Variants in BBS9 observed in about 807,000 individuals in gnomAD.
BBS9 encodes Bardet-Biedl syndrome 9.
BBS9 carries 89 observed loss-of-function variants against 117.7 expected under a neutral mutation model. The ratio of observed to expected loss-of-function variants is 0.76; its 90% confidence interval spans 0.64 to 0.90. The LOEUF is 0.90. Among genes scored for constraint, BBS9 ranks in the 40% least tolerant of loss-of-function variants. The probability of loss-of-function intolerance (pLI) is 0.00; values close to 1 mark genes in which losing one functional copy is unlikely to be tolerated. For synonymous variants in BBS9, 379 were observed against 370.9 expected (o/e 1.02, Z -0.25); for missense variants, 982 against 1,042.2 (o/e 0.94, Z 0.80).
At chr7:33,320,144 T>A (rs1043177904) in intron 9 of BBS9, among the ~76,000 whole-genome samples, 1 of 152,146 alleles carries the variant, frequency 6.6e-6, no homozygotes, top group South Asian at 2.1e-4. Context: ...ATACAAAAAA[T>A]TATTGTTGAC....
Position 33,605,352 on chromosome 7 carries a change from A to C in BBS9, c.*126A>C. The C allele has an allele frequency of 2.0e-6, 2 of 992,794 alleles. No homozygotes were observed. The highest frequency in any genetic ancestry group is 3.2e-6 in the Non-Finnish European group (2 of 618,366). 61.5% of individuals were successfully genotyped at this position (992,794 alleles called of 1,614,324 possible). On this transcript the variant is annotated 3_prime_UTR_variant, in exon 23 of 23. Coordinates refer to ENST00000242067, the MANE Select transcript of BBS9 (RefSeq NM_198428.3). Reference sequence around the variant, plus strand: ...CCTAAAGCTCACCTTCCTGGAGATGACATGCATAGAAAGAGGGGTTGGGAC... The same window carrying C: ...CCTAAAGCTCACCTTCCTGGAGATGCCATGCATAGAAAGAGGGGTTGGGAC...
intron 19 of BBS9, among the ~76,000 whole-genome samples, chr7:33,414,333 G>A (rs1265721815): frequency 2.0e-5 from 3 of 152,048 alleles, no homozygotes; most frequent in Admixed American, 2.0e-4. Context: ...TTTTTACAAA[G>A]GCCCCTTTCA....
chr7:33,378,548 C>T (rs886087414), intron 17 of BBS9, among the ~76,000 whole-genome samples: 5 of 152,136 alleles, frequency 3.3e-5, no homozygotes, highest in South Asian at 2.1e-4. Flanking sequence ...AGCTCATAGG[C>T]CCCTGTTGAG....
intron 9 of BBS9, chr7:33,314,250 T>G (rs1472631153): frequency 1.7e-5 from 7 of 422,810 alleles, no homozygotes; most frequent in South Asian, 1.2e-4. Flanking sequence ...TTTTTTTTTT[T>G]TTCTTACAGA....
Position 33,228,673 on chromosome 7 carries a change from A to T in BBS9, c.443-28563A>T, listed in dbSNP as rs1245009459. 3.3e-5 allele frequency among the ~76,000 whole-genome samples: 5 copies of T among 152,210 alleles called. No homozygotes were observed. In the East Asian group the frequency reaches 9.6e-4, roughly 29 times the overall value. On this transcript the variant is annotated intron_variant, in intron 5 of 22. Coordinates refer to ENST00000242067, the MANE Select transcript of BBS9 (RefSeq NM_198428.3). ...GTGTTTTATATGGTATTCTTACAGT[A>T]AAGTCAGCTATAGTAAAAAAGTTAT... is the stretch of plus-strand genomic sequence containing the variant.
At chr7:33,407,268 T>G (rs1323822135) in intron 19 of BBS9, among the ~76,000 whole-genome samples, 1 of 152,244 alleles carries the variant, frequency 6.6e-6, no homozygotes. Context: ...TTCTCAAGCC[T>G]TGGCTTTCAG....
intron 5 of BBS9, among the ~76,000 whole-genome samples, chr7:33,229,240 A>G (rs1035374991): frequency 6.6e-6 from 1 of 152,102 alleles, no homozygotes; most frequent in South Asian, 2.1e-4. Context: ...CCCAAATACA[A>G]TATAATTTTA....
intron 21 of BBS9, among the ~76,000 whole-genome samples, chr7:33,547,685 G>C (rs1237000280): frequency 3.3e-5 from 5 of 152,192 alleles, no homozygotes; most frequent in African/African-American, 1.2e-4. Flanking sequence ...ATTGTGGAAA[G>C]GACAAGGCCA....
rs56775417 is a variant in BBS9 at position 33,590,465 on chromosome 7, T to G, written c.2522-14400T>G. Among the ~76,000 whole-genome samples the G allele has an allele frequency of 1.7e-4, 24 of 138,012 alleles. No homozygotes were observed. In the East Asian group the frequency reaches 3.0e-3, roughly 17 times the overall value. 90.5% of individuals were successfully genotyped at this position (138,012 alleles called of 152,430 possible). ...TTTGTTTTTTTGTTTTTTTGTTTTT[T>G]TTTTTTTTTTTTACCAGATCAGACA... On this transcript the variant is annotated intron_variant, in intron 21 of 22. Transcript: ENST00000242067.
intron 5 of BBS9, among the ~76,000 whole-genome samples, chr7:33,184,892 AT>A (rs1257225343): frequency 6.6e-6 from 1 of 152,162 alleles, no homozygotes; most frequent in African/African-American, 2.4e-5. Flanking sequence ...CTGATTGGCT[AT>A]TTTATGATTA....
At chr7:33,549,760 A>G (rs376909590) in intron 21 of BBS9, among the ~76,000 whole-genome samples, 1 of 152,190 alleles carries the variant, frequency 6.6e-6, no homozygotes, top group Non-Finnish European at 1.5e-5. Flanking sequence ...TGCCTTTTCT[A>G]CTGTCCTATG....
At chr7:33,196,091 A>T (rs1368658037) in intron 5 of BBS9, among the ~76,000 whole-genome samples, 3 of 152,204 alleles carry the variant, frequency 2.0e-5, no homozygotes, top group Non-Finnish European at 4.4e-5. Context: ...ATATTGTCAC[A>T]TAAATAAAAA....
Position 33,383,745 on chromosome 7 carries a change from T to G in BBS9, c.1869T>G (p.Tyr623Ter). The G allele has an allele frequency of 1.2e-6, 2 of 1,612,902 alleles. No homozygotes were observed. Among genetic ancestry groups the G allele is most frequent in the Middle Eastern group, 1.7e-4 (1 of 5,798 alleles). Residue 623 changes from tyrosine (Y) to a stop codon, truncating the protein, a stop_gained, in exon 18 of 23, where the codon TAT becomes TAG. Transcript: ENST00000242067. LOFTEE classifies it high-confidence loss of function. ...TNELILRLQE[Y>*]FEKQGVKDFA... ...AGCTTATTCTTCGCCTTCAAGAATATTTTGAAAAACAGGGAGTCAAAGATT... is the reference window on the plus strand; with the variant it reads ...AGCTTATTCTTCGCCTTCAAGAATAGTTTGAAAAACAGGGAGTCAAAGATT...
intron 19 of BBS9, among the ~76,000 whole-genome samples, chr7:33,444,189 G>A (rs1205250612): frequency 6.6e-6 from 1 of 152,174 alleles, no homozygotes; most frequent in Non-Finnish European, 1.5e-5. Context: ...TGCTGTCTTA[G>A]ATGGGGGCTT....
Position 33,310,302 on chromosome 7 carries a change from G to A in BBS9, c.1017-26139G>A, listed in dbSNP as rs183406315. ...TTTCTATCTTTGTCTTGTTTTTTCT[G>A]TTCATTGTCATTACACTATTTCTAC... is the stretch of plus-strand genomic sequence containing the variant. On this transcript the variant is annotated intron_variant, in intron 9 of 22. Coordinates refer to ENST00000242067, the MANE Select transcript of BBS9 (RefSeq NM_198428.3). Among the ~76,000 whole-genome samples, 279 of 151,802 alleles carry A rather than the reference G, an allele frequency of 1.8e-3. 1 individual carries two copies. Among genetic ancestry groups the A allele is most frequent in the Non-Finnish European group, 3.2e-3 (216 of 67,928 alleles).
At chr7:33,137,598 T>C (rs1045488206) in intron 1 of BBS9, among the ~76,000 whole-genome samples, 7 of 152,162 alleles carry the variant, frequency 4.6e-5, no homozygotes, top group African/African-American at 1.2e-4. Context: ...ATCCCAACTT[T>C]GTACTGATGA....
Position 33,155,663 on chromosome 7 carries a change from G to C in BBS9, c.289G>C (p.Val97Leu), listed in dbSNP as rs781491876. ...AGGTACCGAAATGCTACATTTGGCT[G>C]TGTTACATTCTAGAAAACTTTGTGT... is the stretch of plus-strand genomic sequence containing the variant. ...VSGTEMLHLA[V>L]LHSRKLCVYS... The change falls in exon 4 of 23, where the codon GTG becomes CTG. Residue 97 changes from valine to leucine, a missense_variant. Val to Leu is a conservative substitution (Grantham distance 32, BLOSUM62 1). Coordinates refer to ENST00000242067, the MANE Select transcript of BBS9 (RefSeq NM_198428.3). 1.9e-6 allele frequency: 3 copies of C among 1,575,216 alleles called. No individual in the cohort carries two copies. The highest frequency in any genetic ancestry group is 1.1e-5 in the South Asian group (1 of 89,782).
chr7:33,209,023 T>C (rs919162426), intron 5 of BBS9, among the ~76,000 whole-genome samples: 1 of 152,240 alleles, frequency 6.6e-6, no homozygotes, highest in Non-Finnish European at 1.5e-5. Flanking sequence ...CATCCTATTA[T>C]GCTATCAAAT....
intron 19 of BBS9, among the ~76,000 whole-genome samples, chr7:33,475,709 A>G (rs1404579925): frequency 2.6e-5 from 4 of 152,134 alleles, no homozygotes; most frequent in Admixed American, 2.6e-4. Context: ...TTTCAGATAT[A>G]TTCCCTGGGT....
Sources: gnomAD v4.1 joint callset for allele counts (sites outside exome capture counted in the v4.1 genomes callset) on GRCh38, gnomAD v4.1.1 for gene constraint, MANE v1.5 for transcripts, NCBI Gene and HGNC (gene_info 2026-07-23, HGNC 2026-07-21) for gene names.